The following HMCN1 variants were observed in gnomAD, a reference collection of about 807,000 sequenced individuals.
The protein encoded by HMCN1 is hemicentin-1.
Under a neutral mutation model 625.9 loss-of-function variants are expected in HMCN1, and 321 were observed. The ratio of observed to expected loss-of-function variants is 0.51; its 90% confidence interval spans 0.47 to 0.56. The LOEUF is 0.56. Among genes scored for constraint, HMCN1 ranks in the 20% least tolerant of loss-of-function variants. The pLI is 0.00. For missense variants in HMCN1, 6,588 were observed against 6,887.3 expected, an observed-to-expected ratio of 0.96 and a Z score of 1.54; for synonymous variants, 2,425 against 2,417.6, an observed-to-expected ratio of 1.00 and a Z score of -0.09.
chr1:186,180,751 C>A (rs938432420), intron 104 of HMCN1, among the ~76,000 whole-genome samples: 8 of 152,248 alleles, frequency 5.3e-5, no homozygotes, highest in Non-Finnish European at 1.2e-4. Context: ...ATAGCTAGTC[C>A]ATTACTGGAT....
chr1:185,772,316 A>C (rs1246345926), intron 1 of HMCN1, among the ~76,000 whole-genome samples: 1 of 152,190 alleles, frequency 6.6e-6, no homozygotes, highest in Non-Finnish European at 1.5e-5. Context: ...AAACTGGAGG[A>C]AAGCCTAGGA....
At chr1:185,971,813 C>T (rs1160479099) in intron 15 of HMCN1, among the ~76,000 whole-genome samples, 3 of 151,988 alleles carry the variant, frequency 2.0e-5, no homozygotes, top group Non-Finnish European at 4.4e-5. Context: ...TGATTATGCC[C>T]TTGGGGGAGA....
At chr1:186,148,277 T>C (rs1650450175) in intron 93 of HMCN1, among the ~76,000 whole-genome samples, 1 of 152,222 alleles carries the variant, frequency 6.6e-6, no homozygotes, top group Admixed American at 6.5e-5. Context: ...TCTCTTGCTC[T>C]TTTAACCACT....
chr1:185,785,266 A>G (rs1164805941), intron 1 of HMCN1, among the ~76,000 whole-genome samples: 1 of 152,088 alleles, frequency 6.6e-6, no homozygotes, highest in Non-Finnish European at 1.5e-5. Context: ...AAAATTTGGG[A>G]TTTTGTCCAT....
chr1:186,121,346 G>A (rs1175533670), intron 80 of HMCN1, among the ~76,000 whole-genome samples: 1 of 152,182 alleles, frequency 6.6e-6, no homozygotes, highest in Non-Finnish European at 1.5e-5. Context: ...TGCAGCTCTA[G>A]GTAATGGTTT....
Position 186,129,975 on chromosome 1 carries a change from A to G in HMCN1, c.12914A>G (p.Asp4305Gly), listed in dbSNP as rs1661841470. ...TTCTTGTTTCCCTCAGCCCACTTTG[A>G]CAGTGTGAATGGACACAGTGAACTT... ...FNNNIIPAHF[D>G]SVNGHSELVI... Residue 4305 changes from aspartate to glycine, a missense_variant, in exon 84 of 107, where the codon GAC becomes GGC. Around this residue, in one of 3 missense-constraint regions of HMCN1, gnomAD observed 1,954 missense variants for 2,013.1 expected, o/e 0.97. Coordinates refer to ENST00000271588, the MANE Select transcript of HMCN1 (RefSeq NM_031935.3). The G allele has an allele frequency of 6.2e-7, 1 of 1,612,826 alleles. No individual in the cohort carries two copies. Among genetic ancestry groups the G allele is most frequent in the African/African-American group, 1.3e-5 (1 of 74,832 alleles).
intron 52 of HMCN1, among the ~76,000 whole-genome samples, chr1:186,072,376 G>T (rs1345306143): frequency 6.6e-6 from 1 of 152,118 alleles, no homozygotes; most frequent in Non-Finnish European, 1.5e-5. Context: ...TTATATAAGT[G>T]ATACAATGTT....
chr1:186,019,466 G>A, intron 34 of HMCN1, 75 bp from the exon 35 acceptor site: 2 of 1,059,356 alleles, frequency 1.9e-6, no homozygotes, highest in Non-Finnish European at 1.5e-6. Context: ...AAGGTTTCAG[G>A]TTCTTGCATA....
intron 89 of HMCN1, among the ~76,000 whole-genome samples, chr1:186,143,697 GCT>G (rs1334384440): frequency 6.6e-6 from 1 of 152,194 alleles, no homozygotes; most frequent in Admixed American, 6.5e-5. Context: ...GCTGAATCAG[GCT>G]TAAGGATGTG....
intron 11 of HMCN1, among the ~76,000 whole-genome samples, chr1:185,947,805 C>T (rs967694323): frequency 1.3e-5 from 2 of 152,182 alleles, no homozygotes; most frequent in African/African-American, 2.4e-5. Context: ...TTGCCATTTA[C>T]GCTAGTTGAA....
At chr1:185,916,819 T>C (rs1666727562) in intron 6 of HMCN1, among the ~76,000 whole-genome samples, 1 of 152,180 alleles carries the variant, frequency 6.6e-6, no homozygotes, top group African/African-American at 2.4e-5. Context: ...GGTAGAGTAT[T>C]CTGCTTCACA....
chr1:186,123,243 T>A (rs768984316), intron 81 of HMCN1, 23 bp downstream of exon 81: 2 of 1,606,266 alleles, frequency 1.2e-6, no homozygotes, highest in Admixed American at 1.7e-5. Context: ...ACATGAATTA[T>A]TTTAGTCTGC....
intron 44 of HMCN1, 55 bp from the exon 45 acceptor site, chr1:186,055,338 G>C (rs1197171022): frequency 2.6e-6 from 4 of 1,531,914 alleles, no homozygotes; most frequent in Non-Finnish European, 2.7e-6. Flanking sequence ...TCCTATGTAA[G>C]ACTTGAAGCA....
Position 186,029,456 on chromosome 1 carries a change from G to C in HMCN1, c.5749+6303G>C, listed in dbSNP as rs1004406595. 3.3e-5 allele frequency among the ~76,000 whole-genome samples: 5 copies of C among 151,560 alleles called. No individual in the cohort carries two copies. In the South Asian group the frequency reaches 1.0e-3, roughly 32 times the overall value. ...GTGTACAACTCAGTCAATTTCAGTA[G>C]TTTATATCTTTCTAAGATTGTTTTT... On this transcript the variant is annotated intron_variant, in intron 36 of 106. Transcript: ENST00000271588.
At chr1:185,852,247 T>A (rs1357699764) in intron 2 of HMCN1, among the ~76,000 whole-genome samples, 5 of 151,954 alleles carry the variant, frequency 3.3e-5, no homozygotes, top group African/African-American at 9.7e-5. Context: ...ACTATGCCAA[T>A]TTGGTGTATA....
Position 185,911,673 on chromosome 1 carries a change from G to A in HMCN1, c.794-1G>A. ...TGTTACCTTTATGTTCTGTCTTTCA[G>A]GGAAGCTGATAAAAAAGGGATTTGG... On this transcript the variant is annotated splice_acceptor_variant, in intron 5 of 106. Transcript: ENST00000271588. LOFTEE classifies it high-confidence loss of function. The A allele has an allele frequency of 6.2e-7, 1 of 1,602,008 alleles. No individual in the cohort carries two copies. The highest frequency in any genetic ancestry group is 8.6e-7 in the Non-Finnish European group (1 of 1,169,238).
chr1:185,782,639 G>C (rs1046080773), intron 1 of HMCN1, among the ~76,000 whole-genome samples: 1 of 152,190 alleles, frequency 6.6e-6, no homozygotes, highest in African/African-American at 2.4e-5. Flanking sequence ...ATTCTGGGTT[G>C]AAAATTCTTT....
Position 185,970,333 on chromosome 1 carries a change from AG to A in HMCN1, c.2213del, listed in dbSNP as rs1295126949. The stretch of plus-strand genomic sequence containing the variant: ...AATGTTCTCCCCTTTGTTTTGACTT[AG>A]GAGATCTTGAGTTGAGGCCCTCAAC... On this transcript the variant is annotated splice_acceptor_variant, in intron 14 of 106. Coordinates refer to ENST00000271588, the MANE Select transcript of HMCN1 (RefSeq NM_031935.3). LOFTEE classifies it high-confidence loss of function. 6.2e-7 allele frequency: 1 copy of A among 1,612,694 alleles called. No homozygotes were observed. Among genetic ancestry groups the A allele is most frequent in the Non-Finnish European group, 8.5e-7 (1 of 1,178,700 alleles).
At chr1:186,023,177 C>A (rs780928662) in intron 36 of HMCN1, 24 bp downstream of exon 36, 87 of 1,601,346 alleles carry the variant, frequency 5.4e-5, no homozygotes, top group Non-Finnish European at 7.2e-5. Context: ...TACACCTTAA[C>A]AAAAGAATAT....
Sources: gnomAD v4.1 joint callset for allele counts (sites outside exome capture counted in the v4.1 genomes callset) on GRCh38, gnomAD v4.1.1 for gene constraint, gnomAD v4.1.1 regional missense constraint, MANE v1.5 for transcripts, NCBI Gene and HGNC (gene_info 2026-07-23, HGNC 2026-07-21) for gene names.